Variants in TRDN observed in about 807,000 individuals in gnomAD.
The protein encoded by TRDN is triadin.
TRDN carries 161 observed loss-of-function variants against 149.7 expected under a neutral mutation model. That is an observed-to-expected ratio of 1.08 (90% CI 0.95 to 1.23). The LOEUF (loss-of-function observed/expected upper bound fraction) is 1.23. Among genes scored for constraint, TRDN ranks in the 50% most tolerant of loss-of-function variants. TRDN has a pLI of 0.00. For missense variants in TRDN, 896 were observed against 823.5 expected, an observed-to-expected ratio of 1.09 and a Z score of -1.08; for synonymous variants, 294 against 250.5, an observed-to-expected ratio of 1.17 and a Z score of -1.64.
chr6:123,258,975 G>C (rs1436291266), intron 35 of TRDN, among the ~76,000 whole-genome samples: 2 of 152,170 alleles, frequency 1.3e-5, no homozygotes, highest in African/African-American at 2.4e-5. Flanking sequence ...TGTGGAATCA[G>C]TGGTGATATC....
rs561915464 is a variant in TRDN at position 123,382,632 on chromosome 6, T to C, written c.1136-485A>G. On this transcript the variant is annotated intron_variant, in intron 14 of 40. Coordinates refer to ENST00000334268, the MANE Select transcript of TRDN (RefSeq NM_006073.4). Reference sequence around the variant, plus strand: ...ATAATCAATACACTTCCAATATAGATATTCAGACATTCTTATGGTAATGGA... The same window carrying C: ...ATAATCAATACACTTCCAATATAGACATTCAGACATTCTTATGGTAATGGA... Among the ~76,000 whole-genome samples, 3 of 152,038 alleles carry C rather than the reference T, an allele frequency of 2.0e-5. No individual in the cohort carries two copies. The South Asian group carries it at 6.2e-4, about 31-fold the overall frequency.
At chr6:123,233,986 T>C (rs1428140101) in intron 38 of TRDN, among the ~76,000 whole-genome samples, 1 of 152,090 alleles carries the variant, frequency 6.6e-6, no homozygotes, top group Admixed American at 6.6e-5. Flanking sequence ...TCTACTATTT[T>C]ATCTTAATCT....
intron 12 of TRDN, among the ~76,000 whole-genome samples, chr6:123,407,309 CAG>C (rs1773234403): frequency 6.6e-6 from 1 of 152,188 alleles, no homozygotes; most frequent in South Asian, 2.1e-4. Flanking sequence ...CATACAGAAA[CAG>C]AGTCAGGGCT....
At chr6:123,389,918 A>G (rs1210565928) in intron 13 of TRDN, among the ~76,000 whole-genome samples, 2 of 152,180 alleles carry the variant, frequency 1.3e-5, no homozygotes, top group Non-Finnish European at 2.9e-5. Flanking sequence ...CAAAGCCATG[A>G]GGTTTAATTT....
chr6:123,433,182 T>TACAC (rs1196235698), intron 12 of TRDN, among the ~76,000 whole-genome samples: 26 of 143,366 alleles, frequency 1.8e-4, no homozygotes, highest in African/African-American at 6.5e-4. Context: ...TATATATATA[T>TACAC]ACATCACACA....
chr6:123,319,478 T>C (rs1416518056), intron 23 of TRDN, among the ~76,000 whole-genome samples: 2 of 152,038 alleles, frequency 1.3e-5, no homozygotes, highest in Non-Finnish European at 2.9e-5. Context: ...TATTTACATA[T>C]GTGTGTATAT....
intron 1 of TRDN, among the ~76,000 whole-genome samples, chr6:123,585,937 G>A (rs1783457254): frequency 6.6e-6 from 1 of 152,054 alleles, no homozygotes; most frequent in African/African-American, 2.4e-5. Flanking sequence ...GGGGTTTGAG[G>A]GCCAGAATTT....
At chr6:123,376,448 G>T (rs1263420185) in intron 18 of TRDN, among the ~76,000 whole-genome samples, 1 of 152,002 alleles carries the variant, frequency 6.6e-6, no homozygotes, top group Non-Finnish European at 1.5e-5. Context: ...GTTCTATTTG[G>T]TGTTTCTTCC....
At chr6:123,305,839 T>A (rs1256922811) in intron 24 of TRDN, among the ~76,000 whole-genome samples, 2 of 152,160 alleles carry the variant, frequency 1.3e-5, no homozygotes, top group Non-Finnish European at 2.9e-5. Flanking sequence ...AATATCCCTA[T>A]CACAACTTTT....
chr6:123,513,845 T>C (rs115990048), intron 6 of TRDN, among the ~76,000 whole-genome samples: 2,434 of 152,190 alleles, frequency 0.016, 72 homozygotes, highest in African/African-American at 0.055. Flanking sequence ...TCAACTTATC[T>C]GATTCCTAAA....
chr6:123,335,728 T>C (rs549548415), intron 22 of TRDN, among the ~76,000 whole-genome samples: 18 of 152,156 alleles, frequency 1.2e-4, no homozygotes, highest in Middle Eastern at 3.4e-3. Flanking sequence ...GCTGCTTTCA[T>C]AGTGAACAAT....
At chr6:123,569,510 G>T (rs1782453600) in intron 2 of TRDN, among the ~76,000 whole-genome samples, 1 of 152,156 alleles carries the variant, frequency 6.6e-6, no homozygotes, top group Non-Finnish European at 1.5e-5. Flanking sequence ...TTGCTATAAA[G>T]CTCTTGCATT....
At chr6:123,381,153 C>T (rs1781704383) in intron 16 of TRDN, among the ~76,000 whole-genome samples, 2 of 152,038 alleles carry the variant, frequency 1.3e-5, no homozygotes, top group Non-Finnish European at 1.5e-5. Flanking sequence ...TAGATGATTG[C>T]ATGAGCTTGA....
chr6:123,441,318 A>T (rs961921556), intron 10 of TRDN, among the ~76,000 whole-genome samples: 5 of 152,152 alleles, frequency 3.3e-5, no homozygotes, highest in Admixed American at 2.0e-4. Context: ...CTGACTTTGA[A>T]CACACATAAA....
Position 123,328,650 on chromosome 6 carries a change from T to C in TRDN, c.1471+3229A>G, listed in dbSNP as rs1779552383. On this transcript the variant is annotated intron_variant, in intron 23 of 40. Coordinates refer to ENST00000334268, the MANE Select transcript of TRDN (RefSeq NM_006073.4). ...TCTCTATTTCAATACATGACTTGCTTCAGGTCCTAGATGAGGGGCTGAGTT... is the reference window on the plus strand; with the variant it reads ...TCTCTATTTCAATACATGACTTGCTCCAGGTCCTAGATGAGGGGCTGAGTT... Among the ~76,000 whole-genome samples, 5 of 152,156 alleles carry C rather than the reference T, an allele frequency of 3.3e-5. No homozygotes were observed. In the South Asian group the frequency reaches 1.0e-3, roughly 32 times the overall value.
intron 21 of TRDN, among the ~76,000 whole-genome samples, chr6:123,345,842 T>A (rs1292614479): frequency 6.6e-6 from 1 of 152,084 alleles, no homozygotes; most frequent in Non-Finnish European, 1.5e-5. Flanking sequence ...TCTTGTTCAT[T>A]CAAATTTTTC....
intron 12 of TRDN, among the ~76,000 whole-genome samples, chr6:123,394,927 C>T (rs185332397): frequency 3.9e-5 from 6 of 151,924 alleles, no homozygotes; most frequent in Non-Finnish European, 7.4e-5. Flanking sequence ...TAAATGGTCT[C>T]AATTAGTAAT....
intron 16 of TRDN, among the ~76,000 whole-genome samples, chr6:123,380,896 T>G (rs1304262591): frequency 6.6e-6 from 1 of 151,970 alleles, no homozygotes; most frequent in East Asian, 1.9e-4. Flanking sequence ...GAGCTCATAG[T>G]GAGTGTAGGG....
intron 1 of TRDN, among the ~76,000 whole-genome samples, chr6:123,597,416 G>T (rs774371718): frequency 6.6e-6 from 1 of 152,080 alleles, no homozygotes; most frequent in Non-Finnish European, 1.5e-5. Flanking sequence ...CTGTTGAAAT[G>T]ACAACAAAGG....
Sources: allele counts gnomAD v4.1 joint callset (sites outside exome capture counted in the v4.1 genomes callset), GRCh38; gene constraint gnomAD v4.1.1; transcripts MANE v1.5; gene names NCBI Gene and HGNC (gene_info 2026-07-23, HGNC 2026-07-21).